The following TRIM36 variants were observed in gnomAD, a reference collection of about 807,000 sequenced individuals.
The protein encoded by TRIM36 is tripartite motif containing 36, also known as E3 ubiquitin-protein ligase TRIM36.
Under a neutral mutation model 72.4 loss-of-function variants are expected in TRIM36, and 42 were observed. The observed-to-expected ratio is 0.58, with a 90% CI of 0.45 to 0.75. The LOEUF (loss-of-function observed/expected upper bound fraction) is 0.75, where lower values mean the gene tolerates loss of function less well. Ranked by LOEUF, TRIM36 falls within the 30% of genes least tolerant of loss-of-function variation. The pLI, the probability that TRIM36 is intolerant of heterozygous loss-of-function variation, is 0.00. For synonymous variants in TRIM36, 315 were observed against 282.8 expected, an observed-to-expected ratio of 1.11 and a Z score of -1.14; for missense variants, 913 against 857.1, an observed-to-expected ratio of 1.07 and a Z score of -0.81.
intron 3 of TRIM36, 25 bp from the exon 4 acceptor site, chr5:115,144,769 G>A (rs903446915): frequency 6.3e-7 from 1 of 1,587,808 alleles, no homozygotes; most frequent in African/African-American, 1.4e-5. Flanking sequence ...ATAAAAGTGT[G>A]ATTAAGGATC....
At chr5:115,141,427 CTT>C in intron 4 of TRIM36, 53 bp from the exon 5 acceptor site, 1 of 1,353,468 alleles carries the variant, frequency 7.4e-7, no homozygotes, top group Admixed American at 2.6e-5. Flanking sequence ...TTAGCAAAGA[CTT>C]TGCAGAATTT....
chr5:115,137,077 T>C lies in TRIM36; in HGVS notation c.1133A>G (p.Gln378Arg). 6.2e-7 allele frequency: 1 copy of C among 1,611,440 alleles called. No individual in the cohort carries two copies. The highest frequency in any genetic ancestry group is 8.5e-7 in the Non-Finnish European group (1 of 1,179,238). The change falls in exon 7 of 10, where the codon CAG becomes CGG. Residue 378 changes from glutamine (Q) to arginine (R), a missense_variant. Coordinates refer to ENST00000513154, the MANE Select transcript of TRIM36 (RefSeq NM_001300759.2). ...ESLKSFRPAA[Q>R]TSFEDYVVNT... ...AACAACATAGTCTTCAAAAGAAGTCTGAGCTGCAGGTCTAAAGCTCTTCAA... is the reference window on the plus strand; with the variant it reads ...AACAACATAGTCTTCAAAAGAAGTCCGAGCTGCAGGTCTAAAGCTCTTCAA...
intron 1 of TRIM36, among the ~76,000 whole-genome samples, chr5:115,176,229 C>A (rs528019658): frequency 6.6e-6 from 1 of 152,338 alleles, no homozygotes; most frequent in African/African-American, 2.4e-5. Context: ...ATCTATTCGT[C>A]CTTCTGAAAG....
chr5:115,156,993 G>A (rs1010338454), intron 2 of TRIM36, among the ~76,000 whole-genome samples: 13 of 152,112 alleles, frequency 8.5e-5, no homozygotes, highest in African/African-American at 2.7e-4. Flanking sequence ...CCATCAAAAA[G>A]TGGGCTAAGG....
chr5:115,149,708 T>A (rs1753785119), intron 2 of TRIM36: 1 of 148,520 alleles, frequency 6.7e-6, no homozygotes, highest in South Asian at 2.1e-4. Flanking sequence ...GACATGTAAT[T>A]TTTCACAACT....
At chr5:115,137,340 A>AAG (rs753850450) in intron 6 of TRIM36, 23 bp downstream of exon 6, 2 of 1,589,324 alleles carry the variant, frequency 1.3e-6, no homozygotes, top group African/African-American at 2.7e-5. Flanking sequence ...ATAGGTTCTA[A>AAG]AGTTAGAAGT....
intron 1 of TRIM36, among the ~76,000 whole-genome samples, chr5:115,164,778 A>G (rs781211706): frequency 1.9e-4 from 29 of 152,164 alleles, no homozygotes; most frequent in Non-Finnish European, 3.8e-4. Flanking sequence ...CAAAGTCTTA[A>G]CTCATTTCAG....
At chr5:115,140,162 T>C (rs944217496) in intron 5 of TRIM36, among the ~76,000 whole-genome samples, 2 of 152,204 alleles carry the variant, frequency 1.3e-5, no homozygotes, top group African/African-American at 4.8e-5. Context: ...CTGGTAGTGG[T>C]GTTAATTTTC....
At chr5:115,143,947 T>C (rs1753431022) in intron 4 of TRIM36, among the ~76,000 whole-genome samples, 1 of 152,242 alleles carries the variant, frequency 6.6e-6, no homozygotes, top group South Asian at 2.1e-4. Context: ...CTCAGCTCAC[T>C]GCAAGCTCCG....
chr5:115,171,394 T>G (rs1755111155), upstream of TRIM36, among the ~76,000 whole-genome samples: 1 of 152,224 alleles, frequency 6.6e-6, no homozygotes, highest in African/African-American at 2.4e-5. Flanking sequence ...GGTGCTAGAC[T>G]TGGGAAGGCT....
chr5:115,126,301 T>C lies in TRIM36; in HGVS notation c.*202A>G, dbSNP rs1017913021. 2.4e-5 allele frequency: 13 copies of C among 538,228 alleles called. No homozygotes were observed. Among genetic ancestry groups the C allele is most frequent in the South Asian group, 1.2e-4 (4 of 32,390 alleles). 33.3% of individuals were successfully genotyped at this position (538,228 alleles called of 1,614,324 possible). On this transcript the variant is annotated 3_prime_UTR_variant, in exon 10 of 10. Transcript: ENST00000513154. ...CTTCAGTATTAACTTGGAAAGAACATCTTCACTTTCATCATTTGTGAAAGG... is the reference window on the plus strand; with the variant it reads ...CTTCAGTATTAACTTGGAAAGAACACCTTCACTTTCATCATTTGTGAAAGG...
At chr5:115,160,218 C>G (rs1215724441) in intron 2 of TRIM36, among the ~76,000 whole-genome samples, 1 of 151,734 alleles carries the variant, frequency 6.6e-6, no homozygotes, top group African/African-American at 2.4e-5. Context: ...AAAAAACTGT[C>G]AAAAATCTAA....
At chr5:115,150,028 G>T (rs1753807384) in intron 2 of TRIM36, among the ~76,000 whole-genome samples, 1 of 152,072 alleles carries the variant, frequency 6.6e-6, no homozygotes, top group South Asian at 2.1e-4. Flanking sequence ...CAAAGTGCTG[G>T]GATTACAGGC....
intron 2 of TRIM36, among the ~76,000 whole-genome samples, chr5:115,150,826 C>T (rs1383244029): frequency 6.6e-6 from 1 of 152,164 alleles, no homozygotes; most frequent in Non-Finnish European, 1.5e-5. Context: ...GGAGCTGAGT[C>T]AATTTAGAGA....
In TRIM36 at chr5:115,169,675, C is replaced by G. The variant is rs1754989842; in HGVS notation, c.-41G>C. ...GGTGTCATCAGCGGCACGTTCCACTCACACCGGCTACCGAGCGCAGGGTCT... is the reference window on the plus strand; with the variant it reads ...GGTGTCATCAGCGGCACGTTCCACTGACACCGGCTACCGAGCGCAGGGTCT... On this transcript the variant is annotated 5_prime_UTR_variant, in exon 1 of 10. Coordinates refer to ENST00000513154, the MANE Select transcript of TRIM36 (RefSeq NM_001300759.2). 1 of 1,515,980 alleles carries G rather than the reference C, an allele frequency of 6.6e-7. No individual in the cohort carries two copies. The highest frequency in any genetic ancestry group is 8.8e-7 in the Non-Finnish European group (1 of 1,136,558). The allele number at this position is 1,515,980 out of a possible 1,614,324, so 93.9% of individuals were successfully genotyped here. A position where few individuals can be genotyped will look rare whatever the true frequency, so the allele number is the denominator to read the frequency against.
chr5:115,130,913 T>A, intron 8 of TRIM36, 24 bp from the exon 9 acceptor site: 1 of 1,588,422 alleles, frequency 6.3e-7, no homozygotes, highest in Non-Finnish European at 8.6e-7. Flanking sequence ...AAAATTAATA[T>A]CAGGCTAAAA....
rs6864387 is a variant in TRIM36 at position 115,142,345 on chromosome 5, C to G, written c.736-971G>C. 8.8e-3 allele frequency among the ~76,000 whole-genome samples: 1,344 copies of G among 152,248 alleles called. 18 individuals carry two copies. Among genetic ancestry groups the G allele is most frequent in the African/African-American group, 0.031 (1,299 of 41,544 alleles). ...ATCCCTAACAGGCCTATGTGGAGAT[C>G]AGAAGTACTAGGTGCAAAGTGGTGG... On this transcript the variant is annotated intron_variant, in intron 4 of 9. Coordinates refer to ENST00000513154, the MANE Select transcript of TRIM36 (RefSeq NM_001300759.2).
At chr5:115,136,847 A>T (rs1752988415) in intron 7 of TRIM36, among the ~76,000 whole-genome samples, 153 bp downstream of exon 7, 1 of 152,224 alleles carries the variant, frequency 6.6e-6, no homozygotes, top group Admixed American at 6.5e-5. Flanking sequence ...TAGTTTTAAA[A>T]ACATAAATAG....
chr5:115,171,342 T>A (rs1368626729), upstream of TRIM36: 2 of 1,395,256 alleles, frequency 1.4e-6, no homozygotes, highest in African/African-American at 1.4e-5. Flanking sequence ...TAATAATGCC[T>A]GGGCTGTTCT....
Sources: allele counts gnomAD v4.1 joint callset (sites outside exome capture counted in the v4.1 genomes callset), GRCh38; gene constraint gnomAD v4.1.1; transcripts MANE v1.5; gene names NCBI Gene and HGNC (gene_info 2026-07-23, HGNC 2026-07-21).